EHBP1: variants seen among roughly 807,000 people sequenced by gnomAD.
The protein encoded by EHBP1 is EH domain-binding protein 1.
Under a neutral mutation model 144.0 loss-of-function variants are expected in EHBP1, and 55 were observed. That is an observed-to-expected ratio of 0.38 (90% CI 0.31 to 0.48). The LOEUF is 0.48. Ranked by LOEUF, EHBP1 falls within the 20% of genes least tolerant of loss-of-function variation. The pLI, the probability that EHBP1 is intolerant of heterozygous loss-of-function variation, is 0.98. For missense variants in EHBP1, 1,200 were observed against 1,364.2 expected (o/e 0.88, Z 1.90); for synonymous variants, 469 against 472.7 (o/e 0.99, Z 0.10).
chr2:63,009,519 C>T (rs2060184576), intron 19 of EHBP1, among the ~76,000 whole-genome samples: 2 of 151,396 alleles, frequency 1.3e-5, no homozygotes, highest in Non-Finnish European at 3.0e-5. Context: ...ATTTTTCTCA[C>T]CATAAGTGCT....
At chr2:62,966,184 G>A (rs1017713514) in intron 14 of EHBP1, among the ~76,000 whole-genome samples, 1 of 152,144 alleles carries the variant, frequency 6.6e-6, no homozygotes, top group Non-Finnish European at 1.5e-5. Context: ...TCAGAGTACT[G>A]TATTTGTTTT....
At chr2:62,937,678 G>A (rs956400694) in intron 10 of EHBP1, among the ~76,000 whole-genome samples, 4 of 152,114 alleles carry the variant, frequency 2.6e-5, no homozygotes, top group Non-Finnish European at 4.4e-5. Flanking sequence ...TGCTTGGGAC[G>A]GAAGATATTT....
intron 19 of EHBP1, among the ~76,000 whole-genome samples, chr2:63,010,529 A>G (rs2060221393): frequency 6.6e-6 from 1 of 151,676 alleles, no homozygotes; most frequent in Non-Finnish European, 1.5e-5. Context: ...ATCGTAGTCT[A>G]CCTTACTCAT....
chr2:63,008,407 T>C (rs958279571), intron 19 of EHBP1, among the ~76,000 whole-genome samples: 1 of 151,598 alleles, frequency 6.6e-6, no homozygotes, highest in African/African-American at 2.4e-5. Context: ...TCAGTCTTGT[T>C]TTTTTCATTT....
intron 19 of EHBP1, among the ~76,000 whole-genome samples, chr2:63,005,099 G>C (rs996931554): frequency 6.6e-6 from 1 of 152,034 alleles, no homozygotes; most frequent in Non-Finnish European, 1.5e-5. Flanking sequence ...CATTGTTCCT[G>C]ATATGAATCT....
chr2:62,798,790 G>A (rs569133622), intron 5 of EHBP1, among the ~76,000 whole-genome samples: 2 of 152,014 alleles, frequency 1.3e-5, no homozygotes, highest in Admixed American at 1.3e-4. Flanking sequence ...GGATCGCGAG[G>A]TCAGGAGTTC....
upstream of EHBP1, chr2:62,705,687 G>A (rs2034478039): frequency 6.6e-6 from 1 of 152,304 alleles, no homozygotes; most frequent in African/African-American, 2.4e-5. Flanking sequence ...CGGGGCGGTG[G>A]AGGTTGAGCT....
At chr2:62,988,132 A>G (rs1263469589) in intron 15 of EHBP1, 2 of 729,370 alleles carry the variant, frequency 2.7e-6, no homozygotes, top group Non-Finnish European at 4.6e-6. Context: ...ATAATTTTGT[A>G]GTTTTATTAC....
chr2:62,713,090 A>G (rs145693517), intron 2 of EHBP1, among the ~76,000 whole-genome samples: 1 of 152,170 alleles, frequency 6.6e-6, no homozygotes, highest in East Asian at 1.9e-4. Context: ...TAACCATGAG[A>G]GTTGGTGGCT....
intron 5 of EHBP1, among the ~76,000 whole-genome samples, chr2:62,810,047 A>G (rs2044859091): frequency 1.3e-5 from 2 of 152,212 alleles, no homozygotes; most frequent in African/African-American, 2.4e-5. Context: ...TAGGTTTACA[A>G]AGTTCTAATG....
chr2:62,978,542 T>C (rs1234954493), intron 14 of EHBP1, among the ~76,000 whole-genome samples: 1 of 152,158 alleles, frequency 6.6e-6, no homozygotes, highest in African/African-American at 2.4e-5. Flanking sequence ...CTTATTTGTC[T>C]TGTTATTTTA....
intron 10 of EHBP1, among the ~76,000 whole-genome samples, chr2:62,915,707 ATT>A (rs1182816040): frequency 7.9e-6 from 1 of 127,304 alleles, no homozygotes; most frequent in Non-Finnish European, 1.7e-5. Context: ...ATGTTTAAGG[ATT>A]TAAAAAAAAT....
chr2:62,794,915 T>C (rs7591708), intron 5 of EHBP1, among the ~76,000 whole-genome samples: 93,714 of 151,804 alleles, frequency 0.62, 29,305 homozygotes, highest in Middle Eastern at 0.81. Context: ...TTTAAATAAG[T>C]AACACTTCAT....
chr2:62,911,300 C>G (rs997167524), intron 10 of EHBP1, among the ~76,000 whole-genome samples: 1 of 152,126 alleles, frequency 6.6e-6, no homozygotes, highest in African/African-American at 2.4e-5. Flanking sequence ...CATTAATATA[C>G]ATAAAGTACT....
At chr2:62,989,713 A>G (rs2153222098) in intron 15 of EHBP1, among the ~76,000 whole-genome samples, 1 of 152,292 alleles carries the variant, frequency 6.6e-6, no homozygotes, top group East Asian at 1.9e-4. Context: ...TGTGGCAATA[A>G]GAAATAGGAA....
intron 5 of EHBP1, among the ~76,000 whole-genome samples, chr2:62,818,372 G>A (rs2045604204): frequency 6.6e-6 from 1 of 151,930 alleles, no homozygotes; most frequent in African/African-American, 2.4e-5. Context: ...ATGTTTAGAT[G>A]CACAAAACCT....
chr2:62,922,315 G>A (rs1042604348), intron 10 of EHBP1, among the ~76,000 whole-genome samples: 2 of 152,180 alleles, frequency 1.3e-5, no homozygotes, highest in East Asian at 3.9e-4. Context: ...GAAAGTTCAA[G>A]TATTAGTGGA....
Position 62,996,749 on chromosome 2 carries a change from G to T in EHBP1, c.3086G>T (p.Arg1029Leu). The change falls in exon 19 of 23, where the codon CGC (arginine) becomes CTC (leucine). Residue 1029 changes from arginine (R) to leucine (L), a missense_variant. Arg to Leu is a moderately radical substitution (Grantham distance 102). Around this residue, in one of 6 missense-constraint regions of EHBP1, gnomAD observed 149 missense variants for 217.0 expected, o/e 0.69. Coordinates refer to ENST00000431489, the MANE Select transcript of EHBP1 (RefSeq NM_001142616.3). ...TRAALVEKRL[R>L]YLMDTGRNTE... Reference sequence around the variant, plus strand: ...GCCGCGCTGGTGGAGAAGCGCCTTCGCTATCTCATGGACACAGGTACGGTG... The same window carrying T: ...GCCGCGCTGGTGGAGAAGCGCCTTCTCTATCTCATGGACACAGGTACGGTG... 6.2e-7 allele frequency: 1 copy of T among 1,612,342 alleles called. No individual in the cohort carries two copies. Among genetic ancestry groups the T allele is most frequent in the Non-Finnish European group, 8.5e-7 (1 of 1,179,318 alleles).
intron 5 of EHBP1, among the ~76,000 whole-genome samples, chr2:62,814,152 A>G (rs2045266515): frequency 6.6e-6 from 1 of 152,244 alleles, no homozygotes; most frequent in Admixed American, 6.5e-5. Flanking sequence ...AACAGTGTTG[A>G]GAGGTGGGAA....
Sources: allele counts gnomAD v4.1 joint callset (sites outside exome capture counted in the v4.1 genomes callset), GRCh38; gene constraint gnomAD v4.1.1; regional missense constraint gnomAD v4.1.1; transcripts MANE v1.5; gene names NCBI Gene and HGNC (gene_info 2026-07-23, HGNC 2026-07-21).